Variants in NCAM2 observed in about 807,000 individuals in gnomAD.
NCAM2 encodes neural cell adhesion molecule 2.
A neutral mutation model predicts 98.1 loss-of-function variants in NCAM2; 30 were observed. That is an observed-to-expected ratio of 0.31 (90% CI 0.23 to 0.41). The LOEUF is 0.41. NCAM2 is among the 10% of genes least tolerant of loss of function. The pLI is 1.00. For missense variants in NCAM2, 867 were observed against 1,005.8 expected, an observed-to-expected ratio of 0.86 and a Z score of 1.87; for synonymous variants, 368 against 342.4, an observed-to-expected ratio of 1.07 and a Z score of -0.83.
intron 12 of NCAM2, among the ~76,000 whole-genome samples, chr21:21,454,252 C>T (rs575237914): frequency 6.6e-6 from 1 of 151,826 alleles, no homozygotes. Flanking sequence ...CACAAAAATT[C>T]TTCCCTAATT....
In NCAM2 at chr21:21,497,165, C is replaced by A. The variant is rs114800269; in HGVS notation, c.2078-11686C>A. ...ATAACTGGGAGCTAAGTATTGAGCA[C>A]ACATGGACATAAATATGGGGACAAC... On this transcript the variant is annotated intron_variant, in intron 15 of 17. Transcript: ENST00000400546. Among the ~76,000 whole-genome samples the A allele has an allele frequency of 6.8e-4, 103 of 152,186 alleles. 1 individual carries two copies. Among genetic ancestry groups the A allele is most frequent in the African/African-American group, 2.4e-3 (99 of 41,526 alleles).
At chr21:21,097,548 A>T (rs139145323) in intron 1 of NCAM2, among the ~76,000 whole-genome samples, 6 of 151,672 alleles carry the variant, frequency 4.0e-5, no homozygotes, top group African/African-American at 1.5e-4. Flanking sequence ...TAGACTTGCT[A>T]TATTTTATAA....
chr21:21,169,514 G>A (rs2068053362), intron 1 of NCAM2, among the ~76,000 whole-genome samples: 1 of 152,088 alleles, frequency 6.6e-6, no homozygotes, highest in Admixed American at 6.5e-5. Flanking sequence ...GCCACAGACT[G>A]AGAAAAAAAT....
At chr21:21,240,278 G>A (rs1374955901) in intron 1 of NCAM2, among the ~76,000 whole-genome samples, 1 of 151,482 alleles carries the variant, frequency 6.6e-6, no homozygotes, top group Non-Finnish European at 1.5e-5. Flanking sequence ...AAAGTAATGT[G>A]CCAAAGCATA....
At position 21,467,382 on chromosome 21, in the gene NCAM2, TTATA is replaced by T. The variant is rs34963977; in HGVS notation, c.1774+671_1774+674del. On this transcript the variant is annotated intron_variant, in intron 13 of 17. Transcript: ENST00000400546. ...GTAACACTGCCTGATATATATATCT[TTATA>T]TATATATATATATCGTTGTATATGT... is the stretch of plus-strand genomic sequence containing the variant. Among the ~76,000 whole-genome samples the T allele has an allele frequency of 7.3e-3, 1,056 of 143,736 alleles. 10 individuals are homozygous for T. Among genetic ancestry groups the T allele is most frequent in the African/African-American group, 0.026 (1,013 of 39,100 alleles). The allele number at this position is 143,736 out of a possible 152,430, so 94.3% of individuals were successfully genotyped here. A position where few individuals can be genotyped will look rare whatever the true frequency, so the allele number is the denominator to read the frequency against.
intron 1 of NCAM2, among the ~76,000 whole-genome samples, chr21:21,202,901 TC>T (rs2069289011): frequency 2.0e-5 from 3 of 152,146 alleles, no homozygotes; most frequent in Admixed American, 2.0e-4. Context: ...TGGATGAATT[TC>T]TAGGACATAT....
At chr21:21,248,870 T>C (rs1047801584) in intron 1 of NCAM2, among the ~76,000 whole-genome samples, 15 of 148,958 alleles carry the variant, frequency 1.0e-4, no homozygotes, top group Admixed American at 9.4e-4. Flanking sequence ...ATTAAGGGCA[T>C]AGACTGATTG....
At chr21:21,178,580 CACTG>C (rs2068368488) in intron 1 of NCAM2, among the ~76,000 whole-genome samples, 1 of 151,946 alleles carries the variant, frequency 6.6e-6, no homozygotes, top group African/African-American at 2.4e-5. Context: ...ATGAGCCAGA[CACTG>C]AGGTGGAAAG....
chr21:21,084,697 TC>T (rs768533777), intron 1 of NCAM2, among the ~76,000 whole-genome samples: 1 of 152,020 alleles, frequency 6.6e-6, no homozygotes, highest in Admixed American at 6.6e-5. Context: ...TTTGGACACT[TC>T]CTCTTCATGC....
At chr21:21,012,059 T>A (rs1246881175) in intron 1 of NCAM2, among the ~76,000 whole-genome samples, 1 of 152,132 alleles carries the variant, frequency 6.6e-6, no homozygotes, top group Non-Finnish European at 1.5e-5. Context: ...TGGCAAATAG[T>A]ATGGAGGTTC....
chr21:21,339,141 T>C (rs532268525), intron 8 of NCAM2, among the ~76,000 whole-genome samples: 59 of 152,252 alleles, frequency 3.9e-4, no homozygotes, highest in African/African-American at 1.4e-3. Context: ...TCCAGCCTGT[T>C]TTGGTAAATA....
chr21:21,060,267 T>A (rs1444077607), intron 1 of NCAM2, among the ~76,000 whole-genome samples: 1 of 152,176 alleles, frequency 6.6e-6, no homozygotes, highest in Non-Finnish European at 1.5e-5. Context: ...TTATACCATA[T>A]GTGAAAATAG....
rs1271391288 is a variant in NCAM2, at chr21:21,292,131, A to C, written c.509A>C (p.Asn170Thr). 2 of 1,610,938 alleles carry C rather than the reference A, an allele frequency of 1.2e-6. No homozygotes were observed. Among genetic ancestry groups the C allele is most frequent in the Non-Finnish European group, 1.7e-6 (2 of 1,178,376 alleles). The change falls in exon 5 of 18, where the codon AAC becomes ACC. Residue 170 changes from asparagine (N) to threonine (T), a missense_variant. Transcript: ENST00000400546. ...CGGTTCGCTATGTTAGCAAACAATA[A>C]CCTGCAGATTCTCAACATCAATAAA... The part of the protein sequence containing the change: ...DNRFAMLANN[N>T]LQILNINKSD...
chr21:21,034,254 T>G (rs752724096), intron 1 of NCAM2, among the ~76,000 whole-genome samples: 1 of 152,146 alleles, frequency 6.6e-6, no homozygotes, highest in Non-Finnish European at 1.5e-5. Context: ...GGTGTAAGCA[T>G]ACACCATATT....
chr21:21,375,375 A>G (rs769871406), intron 9 of NCAM2, among the ~76,000 whole-genome samples: 1 of 151,764 alleles, frequency 6.6e-6, no homozygotes, highest in Non-Finnish European at 1.5e-5. Flanking sequence ...GGCAGTCAAC[A>G]ATAAAAGGCA....
chr21:21,335,990 C>A (rs2074856487), intron 7 of NCAM2, among the ~76,000 whole-genome samples: 2 of 152,088 alleles, frequency 1.3e-5, no homozygotes, highest in Admixed American at 1.3e-4. Context: ...ATCAGTTTTA[C>A]TTACAATATA....
At chr21:21,476,704 C>T (rs995101691) in intron 14 of NCAM2, among the ~76,000 whole-genome samples, 1 of 151,680 alleles carries the variant, frequency 6.6e-6, no homozygotes, top group African/African-American at 2.4e-5. Flanking sequence ...AATAGGATGG[C>T]GTTGTTTTAT....
At chr21:21,114,621 C>T (rs2146538938) in intron 1 of NCAM2, among the ~76,000 whole-genome samples, 1 of 152,180 alleles carries the variant, frequency 6.6e-6, no homozygotes, top group African/African-American at 2.4e-5. Context: ...TTAATGATGC[C>T]AATGGTACTA....
intron 1 of NCAM2, among the ~76,000 whole-genome samples, chr21:20,999,734 G>A (rs976343126): frequency 1.3e-5 from 2 of 152,156 alleles, no homozygotes; most frequent in Admixed American, 6.5e-5. Context: ...AGCATTTTTA[G>A]CCTCTTCTGT....
Sources: gnomAD v4.1 joint callset for allele counts (sites outside exome capture counted in the v4.1 genomes callset) on GRCh38, gnomAD v4.1.1 for gene constraint, MANE v1.5 for transcripts, NCBI Gene and HGNC (gene_info 2026-07-23, HGNC 2026-07-21) for gene names.